AKR7A2: variants seen among roughly 807,000 people sequenced by gnomAD.
AKR7A2 encodes the protein aldo-keto reductase family 7 member A2.
Under a neutral mutation model 37.3 loss-of-function variants are expected in AKR7A2, and 29 were observed. The observed-to-expected ratio is 0.78, with a 90% CI of 0.58 to 1.06. The LOEUF is 1.06. AKR7A2 is among the 50% of genes least tolerant of loss of function. The pLI, the probability that AKR7A2 is intolerant of heterozygous loss-of-function variation, is 0.00. For synonymous variants in AKR7A2, 228 were observed against 217.8 expected (o/e 1.05, Z -0.41); for missense variants, 529 against 497.9 (o/e 1.06, Z -0.59).
downstream of AKR7A2, among the ~76,000 whole-genome samples, chr1:19,303,516 C>G (rs1312811549): frequency 2.6e-5 from 4 of 151,972 alleles, no homozygotes; most frequent in African/African-American, 9.7e-5. Flanking sequence ...GTCCCCATGC[C>G]GAACAGGAGG....
chr1:19,312,051 G>A lies in AKR7A2; in HGVS notation c.74C>T (p.Ala25Val). Residue 25 changes from alanine to valine, a missense_variant, in exon 1 of 7, where the codon GCC (alanine) becomes GTC (valine). Coordinates refer to ENST00000235835, the MANE Select transcript of AKR7A2 (RefSeq NM_003689.4). The part of the protein sequence containing the change: ...HCALRSPPPE[A>V]RALAMSRPPP... ...TGGCCGGGACATGGCGAGCGCGCGGGCCTCGGGCGGCGGAGAGCGAAGCGC... is the reference window on the plus strand; with the variant it reads ...TGGCCGGGACATGGCGAGCGCGCGGACCTCGGGCGGCGGAGAGCGAAGCGC... The A allele has an allele frequency of 7.3e-7, 1 of 1,371,616 alleles. No individual in the cohort carries two copies. The highest frequency in any genetic ancestry group is 3.8e-5 in the Admixed American group (1 of 26,618). The allele number at this position is 1,371,616 out of a possible 1,614,324, so 85.0% of individuals were successfully genotyped here. A position where few individuals can be genotyped will look rare whatever the true frequency, so the allele number is the denominator to read the frequency against.
rs1427339443 is a variant in AKR7A2, at chr1:19,307,615, G to C, written c.592-205C>G. The C allele has an allele frequency of 4.7e-6, 3 of 633,566 alleles. No individual in the cohort carries two copies. In the Admixed American group the frequency reaches 7.7e-5, roughly 16 times the overall value. The allele number at this position is 633,566 out of a possible 1,614,324, so 39.2% of individuals were successfully genotyped here. On this transcript the variant is annotated intron_variant, in intron 3 of 6. Coordinates refer to ENST00000235835, the MANE Select transcript of AKR7A2 (RefSeq NM_003689.4). ...TGGTATCTTTCCACAAATATCTGCT[G>C]TATGAACTCCATGCTGGACACTGGT...
At chr1:19,310,756 T>TC (rs918771763) in intron 1 of AKR7A2, among the ~76,000 whole-genome samples, 17 of 147,418 alleles carry the variant, frequency 1.2e-4, no homozygotes, top group South Asian at 4.3e-4. Context: ...TGCCCTCTTT[T>TC]CCCCCCGACC....
downstream of AKR7A2, chr1:19,303,818 C>G (rs1048365387): frequency 9.3e-6 from 3 of 320,948 alleles, no homozygotes; most frequent in African/African-American, 4.3e-5. Flanking sequence ...GTATTCAGAC[C>G]AGGGGCCCGA....
chr1:19,304,635 G>A (rs917370910), intron 6 of AKR7A2, among the ~76,000 whole-genome samples: 2 of 152,152 alleles, frequency 1.3e-5, no homozygotes, highest in Non-Finnish European at 2.9e-5. Context: ...CCCAGCAGCT[G>A]TGTAAAAATG....
At chr1:19,308,299 C>A in intron 2 of AKR7A2, 37 bp from the exon 3 acceptor site, 1 of 1,613,722 alleles carries the variant, frequency 6.2e-7, no homozygotes, top group African/African-American at 1.3e-5. Context: ...CGCAGTGTAG[C>A]CCAGACCAGG....
chr1:19,307,123 C>T, intron 4 of AKR7A2, 22 bp from the exon 5 acceptor site: 1 of 1,613,440 alleles, frequency 6.2e-7, no homozygotes. Context: ...CAGCAATCAG[C>T]CCCTGGCCCC....
In AKR7A2 at chr1:19,312,015, C is replaced by A; in HGVS notation, c.110G>T (p.Arg37Leu). 6 of 1,462,244 alleles carry A rather than the reference C, an allele frequency of 4.1e-6. No homozygotes were observed. The highest frequency in any genetic ancestry group is 5.4e-6 in the Non-Finnish European group (6 of 1,111,350). 90.6% of individuals were successfully genotyped at this position (1,462,244 alleles called of 1,614,324 possible). A position where few individuals can be genotyped will look rare whatever the true frequency, so the allele number is the denominator to read the frequency against. Residue 37 changes from arginine (R) to leucine (L), a missense_variant, in exon 1 of 7, where the codon CGG (arginine) becomes CTG (leucine). Transcript: ENST00000235835. Reference protein sequence around the residue: ...ALAMSRPPPPRVASVLGTMEM... With the variant: ...ALAMSRPPPPLVASVLGTMEM... ...CATGGTGCCCAGCACCGAGGCGACCCGCGGTGGCGGTGGCCGGGACATGGC... is the reference window on the plus strand; with the variant it reads ...CATGGTGCCCAGCACCGAGGCGACCAGCGGTGGCGGTGGCCGGGACATGGC...
At chr1:19,303,551 A>C (rs2093755785), downstream of AKR7A2, among the ~76,000 whole-genome samples, 1 of 152,142 alleles carries the variant, frequency 6.6e-6, no homozygotes, top group Non-Finnish European at 1.5e-5. Flanking sequence ...TGAGAACCTA[A>C]TGGGTGAAAA....
In AKR7A2 at chr1:19,306,988, C is replaced by A. The variant is rs1393649646; in HGVS notation, c.788+14G>T. 6.2e-7 allele frequency: 1 copy of A among 1,613,420 alleles called. No individual in the cohort carries two copies. Among genetic ancestry groups the A allele is most frequent in the Non-Finnish European group, 8.5e-7 (1 of 1,179,356 alleles). ...CCACCCCAGCCATCCTCACCAAGCC[C>A]ACCCCCGGCTCACCGATTCCTGTAG... On this transcript the variant is annotated intron_variant, in intron 5 of 6. Coordinates refer to ENST00000235835, the MANE Select transcript of AKR7A2 (RefSeq NM_003689.4).
At chr1:19,304,842 G>C (rs979102521) in intron 6 of AKR7A2, among the ~76,000 whole-genome samples, 1 of 152,150 alleles carries the variant, frequency 6.6e-6, no homozygotes, top group African/African-American at 2.4e-5. Context: ...GGGAGGCTGA[G>C]GCAGAAGGAT....
At position 19,308,250 on chromosome 1, in the gene AKR7A2, C is replaced by G. The variant is rs777339767; in HGVS notation, c.499G>C (p.Glu167Gln). The G allele has an allele frequency of 1.2e-6, 2 of 1,614,152 alleles. No homozygotes were observed. The highest frequency in any genetic ancestry group is 2.2e-5 in the South Asian group (2 of 91,086). The change falls in exon 3 of 7, where the codon GAG (glutamate) becomes CAG (glutamine). Residue 167 changes from glutamate (E) to glutamine (Q), a missense_variant. By Grantham distance (29) the Glu-to-Gln change is conservative. Transcript: ENST00000235835. ...CTAGCATAGTTGGAGAGGCCAAGCTCCACGAACTTGCCCTGCATGGGTGAG... is the reference window on the plus strand; with the variant it reads ...CTAGCATAGTTGGAGAGGCCAAGCTGCACGAACTTGCCCTGCATGGGTGAG... ...QRLHQEGKFV[E>Q]LGLSNYASWE...
chr1:19,308,911 T>C (rs1298003709), intron 1 of AKR7A2, among the ~76,000 whole-genome samples: 1 of 152,196 alleles, frequency 6.6e-6, no homozygotes, highest in Non-Finnish European at 1.5e-5. Flanking sequence ...TATGCAGAGA[T>C]GAACTGAACA....
In AKR7A2 at chr1:19,304,304, G is replaced by T; in HGVS notation, c.1001C>A (p.Pro334His). The T allele has an allele frequency of 1.9e-6, 3 of 1,614,072 alleles. No homozygotes were observed. The highest frequency in any genetic ancestry group is 1.7e-6 in the Non-Finnish European group (2 of 1,180,016). Residue 334 changes from proline (P) to histidine (H), a missense_variant, in exon 7 of 7, where the codon CCC becomes CAC. By Grantham distance (77) the Pro-to-His change is moderately conservative. Transcript: ENST00000235835. ...GGCATCCACGACAGCCGGCTCCAGG[G>T]GCCCTTCCTCTGTTGCTGCCAAGTT... ...EQNLAATEEG[P>H]LEPAVVDAFN...
chr1:19,307,251 T>C, intron 4 of AKR7A2, 63 bp downstream of exon 4: 4 of 1,609,314 alleles, frequency 2.5e-6, no homozygotes, highest in Admixed American at 1.7e-5. Flanking sequence ...GCTTCATAAA[T>C]TCTGGGCTGG....
intron 1 of AKR7A2, among the ~76,000 whole-genome samples, chr1:19,310,878 T>C (rs936196475): frequency 8.5e-5 from 13 of 152,074 alleles, no homozygotes; most frequent in African/African-American, 3.1e-4. Context: ...ACAGCCCACG[T>C]TCCCTGGGCC....
chr1:19,311,217 C>G (rs1231281541), intron 1 of AKR7A2, among the ~76,000 whole-genome samples: 1 of 152,190 alleles, frequency 6.6e-6, no homozygotes, highest in Non-Finnish European at 1.5e-5. Flanking sequence ...TCATTAGACT[C>G]TGAACTCCCT....
Position 19,304,229 on chromosome 1 carries a change from C to T in AKR7A2, c.1076G>A (p.Arg359His), listed in dbSNP as rs765069207. 36 of 1,614,058 alleles carry T rather than the reference C, an allele frequency of 2.2e-5. No homozygotes were observed. The Admixed American group carries it at 3.3e-4, about 15-fold the overall frequency. ...GCAGCCTGAGCCATGATGGGCCTAG[C>T]GGAAGTAGTTGGGACATTCGTGAGC... ...LVAHECPNYF[R>H] The change falls in exon 7 of 7, where the codon CGC (arginine) becomes CAC (histidine). Residue 359 changes from arginine to histidine, a missense_variant. Arg to His is a conservative substitution (Grantham distance 29). Coordinates refer to ENST00000235835, the MANE Select transcript of AKR7A2 (RefSeq NM_003689.4).
At chr1:19,310,669 C>T (rs2093771541) in intron 1 of AKR7A2, among the ~76,000 whole-genome samples, 1 of 152,150 alleles carries the variant, frequency 6.6e-6, no homozygotes. Context: ...AAGATTCCGT[C>T]TCAAATAATA....
Sources: gnomAD v4.1 joint callset for allele counts (sites outside exome capture counted in the v4.1 genomes callset) on GRCh38, gnomAD v4.1.1 for gene constraint, MANE v1.5 for transcripts, NCBI Gene and HGNC (gene_info 2026-07-23, HGNC 2026-07-21) for gene names.